The following ARMC2 variants were observed in gnomAD, a reference collection of about 807,000 sequenced individuals.
ARMC2 encodes the protein armadillo repeat containing 2.
ARMC2 carries 67 observed loss-of-function variants against 90.3 expected under a neutral mutation model. The observed-to-expected ratio is 0.74, with a 90% CI of 0.61 to 0.91. ARMC2 has a LOEUF of 0.91. Ranked by LOEUF, ARMC2 falls within the 40% of genes least tolerant of loss-of-function variation. The pLI is 0.00. For synonymous variants in ARMC2, 393 were observed against 393.0 expected, an observed-to-expected ratio of 1.00 and a Z score of 0.00; for missense variants, 920 against 1,030.9, an observed-to-expected ratio of 0.89 and a Z score of 1.47.
At chr6:109,018,827 C>T in the ARMC2 span, among the ~76,000 whole-genome samples, 1 of 151,952 alleles carries the variant, frequency 6.6e-6, no homozygotes, top group South Asian at 2.1e-4. Flanking sequence ...TTCTATAGTT[C>T]ATTACTAGAG....
chr6:108,883,179 A>G (rs1777761547), intron 5 of ARMC2, among the ~76,000 whole-genome samples: 1 of 152,254 alleles, frequency 6.6e-6, no homozygotes, highest in Admixed American at 6.5e-5. Context: ...ACTCAGTGCC[A>G]GAAGGCAGTA....
intron 13 of ARMC2, 141 bp from the exon 14 acceptor site, chr6:108,961,431 G>A: frequency 2.5e-6 from 2 of 814,104 alleles, no homozygotes; most frequent in Non-Finnish European, 3.6e-6. Context: ...AAATCAAGTG[G>A]TAAAGGTGCC....
intron 5 of ARMC2, among the ~76,000 whole-genome samples, chr6:108,881,296 C>CCCCCCCCTCCTTCCTTCCTTCCTT (rs1777544692): frequency 1.3e-5 from 1 of 78,176 alleles, no homozygotes; most frequent in African/African-American, 5.3e-5. Context: ...CCCTCCCCTC[C>CCCCCCCCTCCTTCCTTCCTTCCTT]CCTTCCTTCC....
At chr6:108,961,814 G>A (rs1393732773) in intron 14 of ARMC2, 120 bp downstream of exon 14, 3 of 1,256,252 alleles carry the variant, frequency 2.4e-6, no homozygotes, top group African/African-American at 3.0e-5. Flanking sequence ...ATGTCTTAGA[G>A]CCTGATGATT....
At chr6:108,966,421 G>A (rs531485048) in intron 17 of ARMC2, among the ~76,000 whole-genome samples, 1 of 152,300 alleles carries the variant, frequency 6.6e-6, no homozygotes, top group Non-Finnish European at 1.5e-5. Context: ...GCCTAACACA[G>A]TGCCTGCTGC....
chr6:109,028,908 A>C, the ARMC2 span, among the ~76,000 whole-genome samples: 1 of 152,216 alleles, frequency 6.6e-6, no homozygotes, highest in Admixed American at 6.5e-5. Flanking sequence ...CGCATGGTGC[A>C]TATGGTGACA....
the ARMC2 span, among the ~76,000 whole-genome samples, chr6:109,019,591 C>T: frequency 3.3e-5 from 5 of 152,272 alleles, no homozygotes; most frequent in South Asian, 1.0e-3. Flanking sequence ...TAAAGTCACT[C>T]TTATCCTTTA....
the ARMC2 span, chr6:108,988,723 A>G: frequency 5.2e-6 from 8 of 1,531,562 alleles, no homozygotes; most frequent in African/African-American, 8.2e-5. Flanking sequence ...TGATATTTTC[A>G]GTGTATAACC....
chr6:109,049,650 A>G, the ARMC2 span, among the ~76,000 whole-genome samples: 1 of 151,698 alleles, frequency 6.6e-6, no homozygotes, highest in Admixed American at 6.6e-5. Context: ...ATGTACAATT[A>G]TTATGTGTCA....
At chr6:108,947,738 C>T (rs1189241536) in intron 12 of ARMC2, among the ~76,000 whole-genome samples, 1 of 151,812 alleles carries the variant, frequency 6.6e-6, no homozygotes, top group Non-Finnish European at 1.5e-5. Flanking sequence ...TGTCTAAGCT[C>T]TGGTTGGCCG....
At chr6:108,955,732 C>T (rs556480955) in intron 13 of ARMC2, among the ~76,000 whole-genome samples, 6 of 152,298 alleles carry the variant, frequency 3.9e-5, no homozygotes, top group East Asian at 1.9e-4. Context: ...AGAAAATGCA[C>T]GTAGCTGTGA....
At chr6:108,928,532 A>C (rs1775286108) in intron 11 of ARMC2, among the ~76,000 whole-genome samples, 1 of 152,204 alleles carries the variant, frequency 6.6e-6, no homozygotes, top group South Asian at 2.1e-4. Flanking sequence ...TTTGAGATAA[A>C]AAACTGTATA....
intron 12 of ARMC2, among the ~76,000 whole-genome samples, chr6:108,942,428 C>T (rs1034730436): frequency 2.0e-5 from 3 of 152,042 alleles, no homozygotes; most frequent in Non-Finnish European, 4.4e-5. Flanking sequence ...CCCAGGTGGC[C>T]GATCAAATAT....
the ARMC2 span, among the ~76,000 whole-genome samples, chr6:108,982,906 C>T: frequency 5.9e-5 from 9 of 151,440 alleles, no homozygotes; most frequent in African/African-American, 1.9e-4. Flanking sequence ...CTGCAATCTC[C>T]GCTTCCCAGG....
chr6:108,857,891 C>G (rs189689173), intron 2 of ARMC2, among the ~76,000 whole-genome samples: 17 of 152,216 alleles, frequency 1.1e-4, no homozygotes, highest in African/African-American at 3.6e-4. Context: ...CAGGAAGTTA[C>G]TTTGGAATGA....
chr6:108,989,495 CTA>C, the ARMC2 span, among the ~76,000 whole-genome samples: 1 of 137,680 alleles, frequency 7.3e-6, no homozygotes, highest in Admixed American at 7.1e-5. Context: ...ATCTCTAGAT[CTA>C]GAGATATCTA....
intron 13 of ARMC2, among the ~76,000 whole-genome samples, chr6:108,960,619 A>G (rs1164830602): frequency 6.6e-6 from 1 of 152,250 alleles, no homozygotes; most frequent in African/African-American, 2.4e-5. Flanking sequence ...TCAGGTGGTC[A>G]TATGTGCTAT....
At chr6:108,926,251 C>G (rs1457452794) in intron 10 of ARMC2, among the ~76,000 whole-genome samples, 3 of 152,144 alleles carry the variant, frequency 2.0e-5, no homozygotes, top group African/African-American at 7.2e-5. Context: ...ACACAGGCAT[C>G]TGTACTCTTC....
At chr6:108,988,506 T>G in the ARMC2 span, 3 of 1,563,004 alleles carry the variant, frequency 1.9e-6, no homozygotes, top group Non-Finnish European at 2.6e-6. Context: ...GAATCATTGC[T>G]AAGTTACAAA....
Sources: gnomAD v4.1 joint callset for allele counts (sites outside exome capture counted in the v4.1 genomes callset) on GRCh38, gnomAD v4.1.1 for gene constraint, MANE v1.5 for transcripts, NCBI Gene and HGNC (gene_info 2026-07-23, HGNC 2026-07-21) for gene names.